Variants in C3orf20 observed in about 807,000 individuals in gnomAD.
C3orf20 encodes family with sequence similarity 149 member C.
Under a neutral mutation model 88.3 loss-of-function variants are expected in C3orf20, and 76 were observed. That is an observed-to-expected ratio of 0.86 (90% CI 0.72 to 1.04). The LOEUF is 1.04. Ranked by LOEUF, C3orf20 falls within the 50% of genes least tolerant of loss-of-function variation. The pLI, the probability that C3orf20 is intolerant of heterozygous loss-of-function variation, is 0.00. For synonymous variants in C3orf20, 436 were observed against 437.4 expected (o/e 1.00, Z 0.04); for missense variants, 1,056 against 1,123.3 (o/e 0.94, Z 0.86).
At position 14,726,820 on chromosome 3, in the gene C3orf20, G is replaced by A. The variant is rs1004463503; in HGVS notation, c.1567-81G>A. 1.3e-5 allele frequency: 20 copies of A among 1,592,930 alleles called. No homozygotes were observed. The African/African-American group carries it at 2.1e-4, about 17-fold the overall frequency. On this transcript the variant is annotated intron_variant, in intron 10 of 16. Transcript: ENST00000253697. ...GCAATAGCACATCCTCTGAACCGGA[G>A]CAAGTCTTAGTTATCCTGGACTAGG...
At chr3:14,726,529 G>A (rs2034353107) in intron 10 of C3orf20, among the ~76,000 whole-genome samples, 1 of 152,226 alleles carries the variant, frequency 6.6e-6, no homozygotes, top group Non-Finnish European at 1.5e-5. Context: ...AGACACACAA[G>A]AGACCAAGAC....
intron 15 of C3orf20, among the ~76,000 whole-genome samples, chr3:14,770,347 G>A (rs566503013): frequency 6.6e-6 from 1 of 152,260 alleles, no homozygotes; most frequent in South Asian, 2.1e-4. Context: ...GCCCGGTCTC[G>A]GCATTTCTTG....
intron 7 of C3orf20, among the ~76,000 whole-genome samples, chr3:14,706,199 A>G (rs1559409570): frequency 6.6e-6 from 1 of 152,046 alleles, no homozygotes; most frequent in Non-Finnish European, 1.5e-5. Context: ...CACTCTGTCA[A>G]AGAAGTGTTA....
chr3:14,737,293 TTC>T (rs1013003160), intron 12 of C3orf20, among the ~76,000 whole-genome samples: 3 of 152,122 alleles, frequency 2.0e-5, no homozygotes, highest in African/African-American at 7.2e-5. Flanking sequence ...TCTCTTTCTT[TTC>T]TCTCTATCTG....
intron 15 of C3orf20, among the ~76,000 whole-genome samples, chr3:14,771,414 G>C (rs1483726689): frequency 6.6e-6 from 1 of 152,262 alleles, no homozygotes; most frequent in Non-Finnish European, 1.5e-5. Context: ...GATGCCAGAA[G>C]CTTGGACCAA....
intron 12 of C3orf20, among the ~76,000 whole-genome samples, chr3:14,749,175 GTAAC>G (rs1308006996): frequency 3.1e-4 from 47 of 152,254 alleles, no homozygotes; most frequent in Admixed American, 3.1e-3. Context: ...TCTAGATAGA[GTAAC>G]TGTCTTCTAA....
intron 10 of C3orf20, among the ~76,000 whole-genome samples, chr3:14,724,604 C>T (rs1282488276): frequency 6.6e-6 from 1 of 152,216 alleles, no homozygotes; most frequent in Non-Finnish European, 1.5e-5. Flanking sequence ...GAAACACACA[C>T]TGCATTTCAA....
At chr3:14,694,415 A>G (rs9814380) in intron 5 of C3orf20, among the ~76,000 whole-genome samples, 101,979 of 151,902 alleles carry the variant, frequency 0.67, 34,336 homozygotes, top group Middle Eastern at 0.71. Flanking sequence ...CTCAGTTTTG[A>G]TAGGTTGTAT....
Position 14,721,686 on chromosome 3 carries a change from C to T in C3orf20, c.1468C>T (p.Gln490Ter). The T allele has an allele frequency of 6.2e-7, 1 of 1,614,168 alleles. No individual in the cohort carries two copies. Residue 490 changes from glutamine (Q) to a stop codon, truncating the protein, a stop_gained, in exon 10 of 17, where the codon CAG becomes TAG. Transcript: ENST00000253697. LOFTEE classifies it high-confidence loss of function. ...NEEMKLKVLG[Q>*]DSITVTFTSL... ...GGAAATGAAACTAAAGGTACTGGGACAGGACTCCATCACAGTCACCTTCAC... is the reference window on the plus strand; with the variant it reads ...GGAAATGAAACTAAAGGTACTGGGATAGGACTCCATCACAGTCACCTTCAC...
intron 10 of C3orf20, chr3:14,722,596 C>G (rs1036340559): frequency 2.2e-6 from 1 of 456,440 alleles, no homozygotes; most frequent in Non-Finnish European, 4.4e-6. Flanking sequence ...TCTGCTCAGC[C>G]CCCCTGGCCG....
At position 14,714,110 on chromosome 3, in the gene C3orf20, C is replaced by A. The variant is rs6790129; in HGVS notation, c.1264C>A (p.Leu422Ile). The change falls in exon 8 of 17, where the codon CTA (leucine) becomes ATA (isoleucine). Residue 422 changes from leucine (L) to isoleucine (I), a missense_variant. Leu to Ile is a conservative substitution (Grantham distance 5). Coordinates refer to ENST00000253697, the MANE Select transcript of C3orf20 (RefSeq NM_032137.5). ...CATACCTGGATTCTCCTTGCTGGCC[C>A]TATTCAATACTGAAGGCCAGGGCTG... ...NDIPGFSLLA[L>I]FNTEGQGCVH... The A allele has an allele frequency of 2.5e-5, 40 of 1,613,644 alleles. No individual in the cohort carries two copies. The highest frequency in any genetic ancestry group is 3.2e-5 in the Non-Finnish European group (38 of 1,179,942).
rs759848953 is a variant in C3orf20 at position 14,721,772 on chromosome 3, A to G, written c.1554A>G (p.Ala518=). Residue 518 remains alanine, a synonymous_variant, in exon 10 of 17, where the codon GCA becomes GCG. Coordinates refer to ENST00000253697, the MANE Select transcript of C3orf20 (RefSeq NM_032137.5). ...CCAACAATTGTCCCCATGGAATGGCATATGACAAACGGGTAAGGCAAGGCA... is the reference window on the plus strand; with the variant it reads ...CCAACAATTGTCCCCATGGAATGGCGTATGACAAACGGGTAAGGCAAGGCA... ...VSANNCPHGM[A]YDKRLNRRIS... 9 of 1,614,076 alleles carry G rather than the reference A, an allele frequency of 5.6e-6. No individual in the cohort carries two copies. The highest frequency in any genetic ancestry group is 4.5e-5 in the East Asian group (2 of 44,894).
Position 14,757,649 on chromosome 3 carries a change from G to T in C3orf20, c.2219G>T (p.Arg740Leu). The T allele has an allele frequency of 6.2e-7, 1 of 1,610,544 alleles. No homozygotes were observed. The highest frequency in any genetic ancestry group is 8.5e-7 in the Non-Finnish European group (1 of 1,177,392). The part of the protein sequence containing the change: ...LLNTLYNHQQ[R>L]GRGSPCIQCR... Reference sequence around the variant, plus strand: ...AACACTCTCTACAACCACCAGCAGCGGGGCCGTGGCTCCCCCTGCATCCAG... The same window carrying T: ...AACACTCTCTACAACCACCAGCAGCTGGGCCGTGGCTCCCCCTGCATCCAG... Residue 740 changes from arginine (R) to leucine (L), a missense_variant, in exon 13 of 17, where the codon CGG (arginine) becomes CTG (leucine). Physicochemically the swap from Arg to Leu is moderately radical, Grantham distance 102. Coordinates refer to ENST00000253697, the MANE Select transcript of C3orf20 (RefSeq NM_032137.5).
chr3:14,748,988 A>G (rs2035142125), intron 12 of C3orf20, among the ~76,000 whole-genome samples: 1 of 152,140 alleles, frequency 6.6e-6, no homozygotes, highest in Admixed American at 6.6e-5. Context: ...ATGTTCTTCA[A>G]GTTTTCTATT....
At chr3:14,692,958 G>C (rs2032806180) in intron 5 of C3orf20, among the ~76,000 whole-genome samples, 1 of 152,128 alleles carries the variant, frequency 6.6e-6, no homozygotes, top group South Asian at 2.1e-4. Flanking sequence ...AGTTTTCCCA[G>C]CACCATTTAT....
At chr3:14,727,098 A>C in intron 11 of C3orf20, 74 bp downstream of exon 11, 17 of 1,529,592 alleles carry the variant, frequency 1.1e-5, no homozygotes, top group Non-Finnish European at 1.4e-5. Context: ...AGGTCATCTC[A>C]AGGGACAGAC....
chr3:14,729,748 G>T (rs966941194), intron 12 of C3orf20, among the ~76,000 whole-genome samples: 1 of 152,340 alleles, frequency 6.6e-6, no homozygotes, highest in South Asian at 2.1e-4. Flanking sequence ...GTTTTGCCAT[G>T]TTGGCCAGGC....
intron 15 of C3orf20, among the ~76,000 whole-genome samples, chr3:14,769,346 C>T (rs898362146): frequency 1.3e-5 from 2 of 151,742 alleles, no homozygotes; most frequent in African/African-American, 4.9e-5. Flanking sequence ...CTCAGTGCAC[C>T]GCAGGAACCT....
intron 5 of C3orf20, among the ~76,000 whole-genome samples, chr3:14,699,980 A>T (rs1048159372): frequency 6.6e-6 from 1 of 152,158 alleles, no homozygotes; most frequent in Non-Finnish European, 1.5e-5. Context: ...TGCTCCCTCC[A>T]TGAGTGGGCT....
Sources: gnomAD v4.1 joint callset for allele counts (sites outside exome capture counted in the v4.1 genomes callset) on GRCh38, gnomAD v4.1.1 for gene constraint, MANE v1.5 for transcripts, NCBI Gene and HGNC (gene_info 2026-07-23, HGNC 2026-07-21) for gene names.